MOCOS: variants seen among roughly 807,000 people sequenced by gnomAD.
The protein encoded by MOCOS is human molybdenum cofactor sulfurase.
Under a neutral mutation model 83.6 loss-of-function variants are expected in MOCOS, and 86 were observed. That is an observed-to-expected ratio of 1.03 (90% CI 0.86 to 1.23). The LOEUF (loss-of-function observed/expected upper bound fraction) is 1.23. MOCOS is among the 50% of genes most tolerant of loss of function. MOCOS has a pLI of 0.00. For synonymous variants in MOCOS, 445 were observed against 434.7 expected, an observed-to-expected ratio of 1.02 and a Z score of -0.29; for missense variants, 1,120 against 1,126.9, an observed-to-expected ratio of 0.99 and a Z score of 0.09.
At chr18:36,201,168 C>T (rs547800300) in intron 4 of MOCOS, among the ~76,000 whole-genome samples, 25 of 152,092 alleles carry the variant, frequency 1.6e-4, no homozygotes, top group Non-Finnish European at 3.2e-4. Context: ...GGGGCATAGA[C>T]GGGAAGGGCT....
intron 2 of MOCOS, 54 bp downstream of exon 2, chr18:36,195,400 C>G (rs1218742287): frequency 7.0e-7 from 1 of 1,426,532 alleles, no homozygotes; most frequent in South Asian, 1.1e-5. Context: ...GCTGATATAC[C>G]TGTGCATGTT....
At position 36,209,974 on chromosome 18, in the gene MOCOS, G is replaced by A. The variant is rs187202600; in HGVS notation, c.1219-3392G>A. Among the ~76,000 whole-genome samples, 427 of 152,246 alleles carry A rather than the reference G, an allele frequency of 2.8e-3. 3 individuals carry two copies. Among genetic ancestry groups the A allele is most frequent in the African/African-American group, 9.1e-3 (379 of 41,538 alleles). On this transcript the variant is annotated intron_variant, in intron 6 of 14. Coordinates refer to ENST00000261326, the MANE Select transcript of MOCOS (RefSeq NM_017947.4). ...CCACCTTGGCCTCCCAAGGTGCTGC[G>A]ATTACAGGTGTGCACCACTGTACCC...
At chr18:36,263,013 G>A (rs1484144026) in intron 13 of MOCOS, among the ~76,000 whole-genome samples, 2 of 152,212 alleles carry the variant, frequency 1.3e-5, no homozygotes, top group African/African-American at 4.8e-5. Flanking sequence ...GGAGGCTGAG[G>A]TGGGAGGATT....
chr18:36,228,252 A>G (rs1018790002), intron 9 of MOCOS, among the ~76,000 whole-genome samples: 3 of 152,352 alleles, frequency 2.0e-5, no homozygotes, highest in East Asian at 3.9e-4. Flanking sequence ...TAGTTTAGCC[A>G]TTGTGGAAGA....
chr18:36,196,551 T>A (rs1024823566), intron 2 of MOCOS, among the ~76,000 whole-genome samples: 1 of 152,132 alleles, frequency 6.6e-6, no homozygotes, highest in African/African-American at 2.4e-5. Context: ...ATTAAGGGGT[T>A]TGGATTTTGG....
At chr18:36,222,759 G>A (rs754361727) in intron 9 of MOCOS, among the ~76,000 whole-genome samples, 4 of 151,912 alleles carry the variant, frequency 2.6e-5, no homozygotes, top group Non-Finnish European at 4.4e-5. Flanking sequence ...CCGCCACTAC[G>A]CCTGGCTAAT....
chr18:36,242,423 A>G (rs1033825489), intron 9 of MOCOS, among the ~76,000 whole-genome samples: 2 of 152,172 alleles, frequency 1.3e-5, no homozygotes, highest in East Asian at 1.9e-4. Context: ...GGAAGTTCCA[A>G]ACTTTCTGAC....
chr18:36,255,180 CT>C (rs1254340070), intron 11 of MOCOS, among the ~76,000 whole-genome samples: 1 of 152,220 alleles, frequency 6.6e-6, no homozygotes, highest in Admixed American at 6.5e-5. Context: ...CCATGAATGA[CT>C]GTCACTCATG....
At chr18:36,236,616 C>T (rs1598585490) in intron 9 of MOCOS, among the ~76,000 whole-genome samples, 1 of 133,640 alleles carries the variant, frequency 7.5e-6, no homozygotes, top group East Asian at 2.1e-4. Flanking sequence ...GCAATGCGGG[C>T]TCTTTTTTGG....
At chr18:36,230,741 C>T (rs1248941906) in intron 9 of MOCOS, among the ~76,000 whole-genome samples, 2 of 152,130 alleles carry the variant, frequency 1.3e-5, no homozygotes, top group East Asian at 3.9e-4. Flanking sequence ...GAGTGAGGGG[C>T]TCTCTTCCTG....
chr18:36,229,533 C>G (rs1028741963), intron 9 of MOCOS, among the ~76,000 whole-genome samples: 1 of 151,984 alleles, frequency 6.6e-6, no homozygotes, highest in Admixed American at 6.6e-5. Flanking sequence ...ATTTGGATGT[C>G]CATTTTCTTC....
chr18:36,245,534 C>A (rs1478311077), intron 9 of MOCOS, among the ~76,000 whole-genome samples: 5 of 152,138 alleles, frequency 3.3e-5, no homozygotes, highest in African/African-American at 1.2e-4. Flanking sequence ...GTTACTGATG[C>A]TTTTGCCTCA....
intron 9 of MOCOS, among the ~76,000 whole-genome samples, chr18:36,225,848 A>G (rs1160999015): frequency 6.8e-6 from 1 of 148,148 alleles, no homozygotes; most frequent in Non-Finnish European, 1.5e-5. Flanking sequence ...GAATTTTTCC[A>G]TTTTCTTGCT....
intron 7 of MOCOS, among the ~76,000 whole-genome samples, chr18:36,213,709 A>G (rs2091464442): frequency 1.3e-5 from 2 of 151,980 alleles, no homozygotes; most frequent in South Asian, 4.1e-4. Context: ...CAGGTGGATC[A>G]CCTGAGGTCA....
chr18:36,266,573 T>C (rs2091682640), intron 13 of MOCOS, among the ~76,000 whole-genome samples, 176 bp from the exon 14 acceptor site: 4 of 152,166 alleles, frequency 2.6e-5, no homozygotes, highest in East Asian at 1.9e-4. Context: ...CCTTAAGCAG[T>C]GGTCTTTTAG....
At chr18:36,219,541 T>A (rs1050576158) in intron 8 of MOCOS, among the ~76,000 whole-genome samples, 7 of 152,004 alleles carry the variant, frequency 4.6e-5, no homozygotes, top group African/African-American at 1.7e-4. Context: ...TAGCCGGGCA[T>A]GGTGGCAGGT....
intron 4 of MOCOS, 76 bp from the exon 5 acceptor site, chr18:36,203,037 C>T (rs144596651): frequency 7.2e-7 from 1 of 1,397,332 alleles, no homozygotes; most frequent in East Asian, 2.3e-5. Context: ...AAATCTAAAG[C>T]TCATTATATA....
At chr18:36,242,581 A>G (rs753829497) in intron 9 of MOCOS, among the ~76,000 whole-genome samples, 13 of 152,252 alleles carry the variant, frequency 8.5e-5, no homozygotes, top group Non-Finnish European at 1.8e-4. Context: ...TCACACTGCT[A>G]TAAAGAAATA....
chr18:36,215,449 C>T lies in MOCOS; in HGVS notation c.1336-67C>T, dbSNP rs190951770. 3.2e-5 allele frequency: 47 copies of T among 1,456,920 alleles called. No individual in the cohort carries two copies. In the Admixed American group the frequency reaches 3.6e-4, roughly 11 times the overall value. The allele number at this position is 1,456,920 out of a possible 1,614,324, so 90.2% of individuals were successfully genotyped here. A position where few individuals can be genotyped will look rare whatever the true frequency, so the allele number is the denominator to read the frequency against. On this transcript the variant is annotated intron_variant, in intron 7 of 14. Transcript: ENST00000261326. ...TTAAAATTAACAAAATTTATTTTGC[C>T]GAACTGTTTCCAGTGTCTCTATGAG... is the stretch of plus-strand genomic sequence containing the variant.
Sources: gnomAD v4.1 joint callset for allele counts (sites outside exome capture counted in the v4.1 genomes callset) on GRCh38, gnomAD v4.1.1 for gene constraint, MANE v1.5 for transcripts, NCBI Gene and HGNC (gene_info 2026-07-23, HGNC 2026-07-21) for gene names.